Variants in TRIP12 observed in about 807,000 individuals in gnomAD.
TRIP12 encodes thyroid hormone receptor interactor 12, also known as E3 ubiquitin-protein ligase TRIP12.
TRIP12 carries 25 observed loss-of-function variants against 244.2 expected under a neutral mutation model. That is an observed-to-expected ratio of 0.10 (90% CI 0.07 to 0.14). The LOEUF (loss-of-function observed/expected upper bound fraction) is 0.14. TRIP12 is among the 10% of genes least tolerant of loss of function. The pLI is 1.00. For synonymous variants in TRIP12, 905 were observed against 873.1 expected (o/e 1.04, Z -0.64); for missense variants, 1,677 against 2,486.4 (o/e 0.67, Z 6.92).
intron 18 of TRIP12, among the ~76,000 whole-genome samples, 157 bp from the exon 19 acceptor site, chr2:229,804,384 G>T (rs551574993): frequency 3.0e-4 from 46 of 152,264 alleles, no homozygotes; most frequent in African/African-American, 9.9e-4. Flanking sequence ...GATCAACTAG[G>T]ATTTACAAAG....
chr2:229,901,809 A>G (rs1431829581), intron 1 of TRIP12, among the ~76,000 whole-genome samples: 2 of 152,098 alleles, frequency 1.3e-5, no homozygotes, highest in African/African-American at 2.4e-5. Context: ...AGAGAAGAAG[A>G]TAAGAAGAAG....
At chr2:229,790,323 T>A (rs1325376722) in intron 30 of TRIP12, among the ~76,000 whole-genome samples, 1 of 152,160 alleles carries the variant, frequency 6.6e-6, no homozygotes, top group Non-Finnish European at 1.5e-5. Flanking sequence ...GCCATTTACT[T>A]ATAGCAAGCA....
Position 229,813,231 on chromosome 2 carries a change from G to A in TRIP12, c.1986+639C>T, listed in dbSNP as rs571376240. ...ATCTGCCTCCTCCAATGCCTCTCAA[G>A]AAAGAGTAATCTTTTCAGAAGGAAC... On this transcript the variant is annotated intron_variant, in intron 13 of 41. Coordinates refer to ENST00000675903, the MANE Select transcript of TRIP12 (RefSeq NM_001348323.3). 1.2e-4 allele frequency among the ~76,000 whole-genome samples: 18 copies of A among 152,142 alleles called. 1 individual carries two copies. Among genetic ancestry groups the A allele is most frequent in the Admixed American group, 7.9e-4 (12 of 15,266 alleles).
chr2:229,802,537 A>T, intron 20 of TRIP12, 78 bp from the exon 21 acceptor site: 2 of 1,087,142 alleles, frequency 1.8e-6, no homozygotes, highest in African/African-American at 1.6e-5. Context: ...AAAATCCCTA[A>T]ATACCAACAC....
At chr2:229,805,184 C>T (rs1210568553) in intron 18 of TRIP12, among the ~76,000 whole-genome samples, 2 of 150,208 alleles carry the variant, frequency 1.3e-5, no homozygotes, top group African/African-American at 2.4e-5. Flanking sequence ...GGATTACAGG[C>T]GTGAGACACC....
Position 229,830,845 on chromosome 2 carries a change from G to A in TRIP12, c.1271-6C>T. The A allele has an allele frequency of 6.2e-7, 1 of 1,614,000 alleles. No homozygotes were observed. Among genetic ancestry groups the A allele is most frequent in the Non-Finnish European group, 8.5e-7 (1 of 1,179,956 alleles). ...CCCTGCAACAGAACTAGAGGCTTGG[G>A]GTGGAGGGGAAAGATGAGGGTTAGG... On this transcript the variant is annotated splice_region_variant and splice_polypyrimidine_tract_variant and intron_variant, in intron 6 of 41. Coordinates refer to ENST00000675903, the MANE Select transcript of TRIP12 (RefSeq NM_001348323.3).
rs1052250179 is a variant in TRIP12, at chr2:229,778,644, C to T, written c.5210-57G>A. The stretch of plus-strand genomic sequence containing the variant: ...TGATGTTTCCAAAAACAAAACAAAA[C>T]CTGGTAACTAAGAACATTTAAGAAA... On this transcript the variant is annotated intron_variant, in intron 35 of 41. Transcript: ENST00000675903. This position sits in a 1 kb window ranked among gnomAD's most constrained non-coding sequence, Gnocchi z 4.1. 69 of 1,574,916 alleles carry T rather than the reference C, an allele frequency of 4.4e-5. 1 individual carries two copies. Among genetic ancestry groups the T allele is most frequent in the Non-Finnish European group, 5.2e-5 (61 of 1,162,756 alleles).
At position 229,778,345 on chromosome 2, in the gene TRIP12, AAC is replaced by A; in HGVS notation, c.5364+86_5364+87del. The stretch of plus-strand genomic sequence containing the variant: ...TTGAAGTTTGAGAAGCATTGCTCTA[AAC>A]TATAGCAGTAAACTACAGGGGACTG... On this transcript the variant is annotated intron_variant, in intron 36 of 41. Transcript: ENST00000675903. This position sits in a 1 kb window ranked among gnomAD's most constrained non-coding sequence, Gnocchi z 4.1. The A allele has an allele frequency of 6.7e-7, 1 of 1,498,740 alleles. No homozygotes were observed. Among genetic ancestry groups the A allele is most frequent in the Non-Finnish European group, 9.1e-7 (1 of 1,098,044 alleles). The allele number at this position is 1,498,740 out of a possible 1,614,324, so 92.8% of individuals were successfully genotyped here.
Position 229,795,349 on chromosome 2 carries a change from A to T in TRIP12, c.3817-19T>A. 6.3e-7 allele frequency: 1 copy of T among 1,596,090 alleles called. No individual in the cohort carries two copies. The highest frequency in any genetic ancestry group is 1.1e-5 in the South Asian group (1 of 88,128). ...CAGGAAGCTAAAGTTATAAATAAAC[A>T]AACAGGTTAAACAAAGCCTTTTCAA... is the stretch of plus-strand genomic sequence containing the variant. On this transcript the variant is annotated intron_variant, in intron 25 of 41. Coordinates refer to ENST00000675903, the MANE Select transcript of TRIP12 (RefSeq NM_001348323.3).
At chr2:229,869,389 C>T (rs1468821863) in intron 2 of TRIP12, among the ~76,000 whole-genome samples, 2 of 152,172 alleles carry the variant, frequency 1.3e-5, no homozygotes, top group African/African-American at 2.4e-5. Flanking sequence ...AAAACCCAGA[C>T]TGTGAAAGGA....
At chr2:229,918,347 T>C (rs1291747249) in intron 1 of TRIP12, among the ~76,000 whole-genome samples, 1 of 152,056 alleles carries the variant, frequency 6.6e-6, no homozygotes, top group Non-Finnish European at 1.5e-5. Flanking sequence ...GTCCATCAAA[T>C]AGCAAACAAA....
chr2:229,781,718 G>A (rs1242892713), intron 34 of TRIP12, among the ~76,000 whole-genome samples: 1 of 152,092 alleles, frequency 6.6e-6, no homozygotes, highest in Non-Finnish European at 1.5e-5. Context: ...ATTTTCACTG[G>A]GATTCTTCTA....
chr2:229,845,157 T>C (rs2057313312), intron 4 of TRIP12, among the ~76,000 whole-genome samples: 2 of 152,218 alleles, frequency 1.3e-5, no homozygotes, highest in South Asian at 2.1e-4. Context: ...AGATGTGAGA[T>C]TGCAAGTGCT....
chr2:229,802,678 G>T (rs939908546), intron 20 of TRIP12, among the ~76,000 whole-genome samples: 1 of 152,188 alleles, frequency 6.6e-6, no homozygotes, highest in African/African-American at 2.4e-5. Context: ...TACTGATATT[G>T]AATGTCTTCT....
chr2:229,789,752 G>A lies in TRIP12; in HGVS notation c.4554C>T (p.Cys1518=), dbSNP rs1464587362. The part of the protein sequence containing the change: ...KHDELWHDGV[C]PSVSNPLEVY... ...CTTCTAAAGGATTTGATACTGATGG[G>A]CACACTCCATCTAAAGGACAAAAGA... Residue 1518 remains cysteine (C), a synonymous_variant, in exon 31 of 42, where the codon TGC becomes TGT. Transcript: ENST00000675903. 1.2e-6 allele frequency: 2 copies of A among 1,613,652 alleles called. No homozygotes were observed. The highest frequency in any genetic ancestry group is 1.3e-5 in the African/African-American group (1 of 74,906).
Position 229,789,767 on chromosome 2 carries a change from A to G in TRIP12, c.4544-5T>C. The stretch of plus-strand genomic sequence containing the variant: ...ATACTGATGGGCACACTCCATCTAA[A>G]GGACAAAAGATCAAAGTAAGTTTTG... On this transcript the variant is annotated splice_region_variant and splice_polypyrimidine_tract_variant and intron_variant, in intron 30 of 41. Transcript: ENST00000675903. 2 of 1,613,466 alleles carry G rather than the reference A, an allele frequency of 1.2e-6. No individual in the cohort carries two copies. Among genetic ancestry groups the G allele is most frequent in the Non-Finnish European group, 1.7e-6 (2 of 1,179,694 alleles).
chr2:229,891,991 G>GTTAC (rs2154362546), intron 1 of TRIP12, among the ~76,000 whole-genome samples: 1 of 152,234 alleles, frequency 6.6e-6, no homozygotes, highest in East Asian at 1.9e-4. Flanking sequence ...AAAGCAAAGG[G>GTTAC]GTAAATCTGT....
Position 229,880,090 on chromosome 2 carries a change from C to T in TRIP12, c.-11G>A, listed in dbSNP as rs2064513426. The T allele has an allele frequency of 6.2e-7, 1 of 1,613,372 alleles. No individual in the cohort carries two copies. The highest frequency in any genetic ancestry group is 8.5e-7 in the Non-Finnish European group (1 of 1,179,614). Reference sequence around the variant, plus strand: ...AGGCCGGTTGGACATTGGCACCTCTCTCTTGAAGGGACATACCCTTTCTAG... The same window carrying T: ...AGGCCGGTTGGACATTGGCACCTCTTTCTTGAAGGGACATACCCTTTCTAG... On this transcript the variant is annotated 5_prime_UTR_variant, in exon 2 of 42. Coordinates refer to ENST00000675903, the MANE Select transcript of TRIP12 (RefSeq NM_001348323.3).
chr2:229,841,320 C>T (rs2056377509), intron 4 of TRIP12, among the ~76,000 whole-genome samples: 1 of 152,086 alleles, frequency 6.6e-6, no homozygotes, highest in South Asian at 2.1e-4. Flanking sequence ...CTTATATTGT[C>T]CCATTTCAGT....
Sources: gnomAD v4.1 joint callset for allele counts (sites outside exome capture counted in the v4.1 genomes callset) on GRCh38, gnomAD v4.1.1 for gene constraint, Gnocchi (gnomAD v3.1) non-coding constraint, MANE v1.5 for transcripts, NCBI Gene and HGNC (gene_info 2026-07-23, HGNC 2026-07-21) for gene names.